Variants in METTL15 observed in about 807,000 individuals in gnomAD.
METTL15 encodes the protein methyltransferase 15, mitochondrial 12S rRNA N4-cytidine.
METTL15 carries 34 observed loss-of-function variants against 38.3 expected under a neutral mutation model. The observed-to-expected ratio is 0.89, with a 90% confidence interval of 0.68 to 1.18. The LOEUF is 1.18. Ranked by LOEUF, METTL15 falls within the 50% of genes most tolerant of loss-of-function variation. METTL15 has a pLI of 0.00. For synonymous variants in METTL15, 162 were observed against 170.9 expected (o/e 0.95, Z 0.41); for missense variants, 438 against 498.4 (o/e 0.88, Z 1.15).
At chr11:28,185,434 T>A (rs1412759913) in intron 3 of METTL15, among the ~76,000 whole-genome samples, 2 of 151,406 alleles carry the variant, frequency 1.3e-5, no homozygotes, top group Non-Finnish European at 3.0e-5. Context: ...TTGTTAATAT[T>A]TGGATAGATA....
chr11:28,222,189 G>A (rs1232138769), intron 4 of METTL15, among the ~76,000 whole-genome samples: 1 of 152,178 alleles, frequency 6.6e-6, no homozygotes, highest in African/African-American at 2.4e-5. Flanking sequence ...CTTGAGCTGC[G>A]GTGGGCTTCA....
At chr11:28,297,866 A>G (rs927607455) in intron 6 of METTL15, among the ~76,000 whole-genome samples, 2 of 152,082 alleles carry the variant, frequency 1.3e-5, no homozygotes, top group African/African-American at 4.8e-5. Flanking sequence ...AGAACCTGAT[A>G]TTGGCTGTCT....
intron 6 of METTL15, among the ~76,000 whole-genome samples, chr11:28,520,558 C>T (rs1851756668): frequency 6.6e-6 from 1 of 152,104 alleles, no homozygotes; most frequent in South Asian, 2.1e-4. Context: ...GAGAAAATAA[C>T]TTATGGTTAG....
chr11:28,452,711 G>A (rs552923223), intron 6 of METTL15, among the ~76,000 whole-genome samples: 16 of 152,164 alleles, frequency 1.1e-4, no homozygotes, highest in African/African-American at 2.7e-4. Flanking sequence ...CAGACAGTGA[G>A]GGATAGTTCA....
intron 6 of METTL15, among the ~76,000 whole-genome samples, chr11:28,437,892 G>A (rs967849073): frequency 6.6e-6 from 1 of 152,182 alleles, no homozygotes; most frequent in African/African-American, 2.4e-5. Context: ...ATGAATGCGT[G>A]AATAAATGAA....
chr11:28,499,955 A>G (rs1389639979), intron 6 of METTL15, among the ~76,000 whole-genome samples: 1 of 152,212 alleles, frequency 6.6e-6, no homozygotes, highest in African/African-American at 2.4e-5. Context: ...CTTTTAATTA[A>G]AAGTAATAAC....
chr11:28,237,906 T>C (rs1348447181), intron 4 of METTL15, among the ~76,000 whole-genome samples: 1 of 152,218 alleles, frequency 6.6e-6, no homozygotes, highest in Non-Finnish European at 1.5e-5. Flanking sequence ...CAGCGGTGGC[T>C]GCAGAACCGC....
intron 6 of METTL15, among the ~76,000 whole-genome samples, chr11:28,463,630 G>A (rs1200830881): frequency 1.3e-5 from 2 of 152,068 alleles, no homozygotes; most frequent in Admixed American, 6.6e-5. Flanking sequence ...TGCAGATAAC[G>A]ACTCCATGAG....
intron 6 of METTL15, among the ~76,000 whole-genome samples, chr11:28,525,938 C>T (rs1851807122): frequency 6.6e-6 from 1 of 152,326 alleles, no homozygotes; most frequent in East Asian, 1.9e-4. Flanking sequence ...GGTCCTGACC[C>T]CTGCCCCAAG....
chr11:28,322,023 A>G (rs1036976286), intron 6 of METTL15, among the ~76,000 whole-genome samples: 1 of 152,072 alleles, frequency 6.6e-6, no homozygotes, highest in Admixed American at 6.5e-5. Context: ...TGAACCTCAT[A>G]TACTAAAAAA....
intron 6 of METTL15, among the ~76,000 whole-genome samples, chr11:28,316,558 C>A (rs558900577): frequency 4.6e-5 from 7 of 152,186 alleles, no homozygotes; most frequent in Admixed American, 1.3e-4. Flanking sequence ...GTTTGGGGGA[C>A]TGTTGGGAAG....
intron 3 of METTL15, among the ~76,000 whole-genome samples, chr11:28,162,856 T>C (rs1850516836): frequency 1.3e-5 from 2 of 152,128 alleles, no homozygotes; most frequent in African/African-American, 4.8e-5. Flanking sequence ...AAGGTATGGT[T>C]TTGACTGAAT....
At chr11:28,355,252 GT>G (rs1292717455) in intron 4 of METTL15, among the ~76,000 whole-genome samples, 1 of 152,184 alleles carries the variant, frequency 6.6e-6, no homozygotes, top group Non-Finnish European at 1.5e-5. Flanking sequence ...TGTTCTGAAG[GT>G]GGCTCTTTTG....
intron 1 of METTL15, among the ~76,000 whole-genome samples, chr11:28,108,762 CTCTG>C (rs1031392748): frequency 2.6e-5 from 4 of 152,148 alleles, no homozygotes; most frequent in African/African-American, 9.7e-5. Flanking sequence ...TTTTTACATT[CTCTG>C]TCTAATGATG....
At chr11:28,434,528 A>G (rs183630834) in intron 6 of METTL15, among the ~76,000 whole-genome samples, 4 of 152,332 alleles carry the variant, frequency 2.6e-5, no homozygotes, top group Non-Finnish European at 4.4e-5. Flanking sequence ...CATCTAGCTG[A>G]GATTTTATGA....
intron 4 of METTL15, among the ~76,000 whole-genome samples, chr11:28,235,263 G>T (rs1431715860): frequency 2.0e-5 from 3 of 151,954 alleles, no homozygotes; most frequent in Admixed American, 6.6e-5. Context: ...TTGTTCTTGT[G>T]GCTTAGGATT....
intron 4 of METTL15, among the ~76,000 whole-genome samples, chr11:28,240,534 A>G (rs547432396): frequency 1.3e-5 from 2 of 152,310 alleles, no homozygotes; most frequent in South Asian, 2.1e-4. Flanking sequence ...TAAGATTTCT[A>G]TACCAGTTTT....
intron 5 of METTL15, among the ~76,000 whole-genome samples, chr11:28,378,061 C>G (rs1850338258): frequency 6.6e-6 from 1 of 152,112 alleles, no homozygotes; most frequent in African/African-American, 2.4e-5. Context: ...CTCTTCAAAG[C>G]TGTCAGACAG....
intron 4 of METTL15, among the ~76,000 whole-genome samples, chr11:28,221,255 C>T (rs1853203171): frequency 6.6e-6 from 1 of 152,114 alleles, no homozygotes; most frequent in Admixed American, 6.6e-5. Flanking sequence ...AGGCTTTGTT[C>T]ATTTCTTTTT....
Sources: gnomAD v4.1 joint callset for allele counts (sites outside exome capture counted in the v4.1 genomes callset) on GRCh38, gnomAD v4.1.1 for gene constraint, MANE v1.5 for transcripts, NCBI Gene and HGNC (gene_info 2026-07-23, HGNC 2026-07-21) for gene names.